The following NRXN1 variants were observed in gnomAD, a reference collection of about 807,000 sequenced individuals.
The protein encoded by NRXN1 is neurexin 1, also known as neurexin-1.
In NRXN1, 39 loss-of-function variants were observed where a neutral mutation model predicts 150.9. That is an observed-to-expected ratio of 0.26 (90% CI 0.20 to 0.34). NRXN1 has a LOEUF of 0.34. Among genes scored for constraint, NRXN1 ranks in the 10% least tolerant of loss-of-function variants. The pLI is 1.00. For missense variants in NRXN1, 1,815 were observed against 1,949.9 expected, an observed-to-expected ratio of 0.93 and a Z score of 1.30; for synonymous variants, 924 against 757.0, an observed-to-expected ratio of 1.22 and a Z score of -3.62.
intron 9 of NRXN1, among the ~76,000 whole-genome samples, chr2:50,539,227 T>C (rs2093336870): frequency 6.6e-6 from 1 of 152,222 alleles, no homozygotes; most frequent in Non-Finnish European, 1.5e-5. Context: ...ATAGAGTTGC[T>C]CTTAGTGTTA....
intron 17 of NRXN1, among the ~76,000 whole-genome samples, chr2:50,385,502 G>A (rs763281449): frequency 2.0e-5 from 3 of 152,110 alleles, no homozygotes; most frequent in African/African-American, 7.2e-5. Flanking sequence ...CATGCTACCC[G>A]GGAATGTTGG....
At chr2:50,823,695 G>C (rs1393521778) in intron 5 of NRXN1, among the ~76,000 whole-genome samples, 5 of 152,022 alleles carry the variant, frequency 3.3e-5, no homozygotes, top group African/African-American at 7.2e-5. Context: ...ATGATTTATG[G>C]GTCCTAAAGA....
intron 9 of NRXN1, among the ~76,000 whole-genome samples, chr2:50,545,574 A>G (rs1177442069): frequency 6.6e-6 from 1 of 152,204 alleles, no homozygotes; most frequent in African/African-American, 2.4e-5. Context: ...TACTAACTCC[A>G]TAACAGCAAT....
At chr2:50,713,854 T>C (rs538501984) in intron 5 of NRXN1, among the ~76,000 whole-genome samples, 8 of 152,190 alleles carry the variant, frequency 5.3e-5, no homozygotes, top group Admixed American at 2.6e-4. Flanking sequence ...CCTGGTCTTC[T>C]TTGAAAGATT....
chr2:49,922,881 A>G (rs1668467271), intron 22 of NRXN1, among the ~76,000 whole-genome samples: 1 of 152,124 alleles, frequency 6.6e-6, no homozygotes, highest in Non-Finnish European at 1.5e-5. Flanking sequence ...TGTGTATTTT[A>G]TTAATTGATT....
At chr2:50,895,555 G>GT (rs919350820) in intron 5 of NRXN1, among the ~76,000 whole-genome samples, 44 of 147,102 alleles carry the variant, frequency 3.0e-4, no homozygotes, top group Admixed American at 8.1e-4. Flanking sequence ...GAGCTATTTT[G>GT]TTTTTTTTGG....
chr2:50,962,212 T>C (rs1241591657), intron 2 of NRXN1, among the ~76,000 whole-genome samples: 3 of 151,700 alleles, frequency 2.0e-5, no homozygotes, highest in African/African-American at 7.2e-5. Context: ...TGTTCCACAA[T>C]TGAGATGTTC....
intron 5 of NRXN1, among the ~76,000 whole-genome samples, chr2:50,764,081 T>C (rs1383204852): frequency 6.6e-6 from 1 of 151,130 alleles, no homozygotes; most frequent in Non-Finnish European, 1.5e-5. Flanking sequence ...AGTCCATAGC[T>C]CTCTGTTCTC....
intron 21 of NRXN1, among the ~76,000 whole-genome samples, chr2:49,949,547 T>C (rs924068865): frequency 1.3e-5 from 2 of 151,936 alleles, no homozygotes; most frequent in African/African-American, 4.8e-5. Flanking sequence ...AAGACAAATC[T>C]GTTTTGTAAG....
At chr2:50,062,387 A>C (rs1694680822) in intron 19 of NRXN1, among the ~76,000 whole-genome samples, 1 of 152,142 alleles carries the variant, frequency 6.6e-6, no homozygotes, top group African/African-American at 2.4e-5. Flanking sequence ...GAATGAAGCA[A>C]GCCCTCACTA....
Position 50,620,002 on chromosome 2 carries a change from C to G in NRXN1, c.1320+20G>C, listed in dbSNP as rs748866781. ...ATGAGACCATGAATTAGGAATGATTCTGATGGCAACGATATTTACCTCTTT... is the reference window on the plus strand; with the variant it reads ...ATGAGACCATGAATTAGGAATGATTGTGATGGCAACGATATTTACCTCTTT... On this transcript the variant is annotated intron_variant, in intron 8 of 22. Transcript: ENST00000401669. 2.6e-6 allele frequency: 4 copies of G among 1,547,440 alleles called. No individual in the cohort carries two copies. The highest frequency in any genetic ancestry group is 3.5e-6 in the Non-Finnish European group (4 of 1,144,146).
At chr2:50,056,280 T>A (rs916434909) in intron 19 of NRXN1, among the ~76,000 whole-genome samples, 5 of 152,154 alleles carry the variant, frequency 3.3e-5, no homozygotes, top group African/African-American at 1.2e-4. Flanking sequence ...CTTTTGCTAC[T>A]CTTATAATAC....
chr2:50,275,987 C>CA (rs34672241), intron 17 of NRXN1, among the ~76,000 whole-genome samples: 96,655 of 127,834 alleles, frequency 0.76, 35,473 homozygotes, highest in South Asian at 0.82. Context: ...TCCTACCTTG[C>CA]AAAAAAAAAA....
intron 5 of NRXN1, among the ~76,000 whole-genome samples, chr2:50,669,335 C>G (rs1688513362): frequency 6.6e-6 from 1 of 151,814 alleles, no homozygotes; most frequent in Admixed American, 6.6e-5. Flanking sequence ...TTTGAAAAGT[C>G]CCAGAGAGGT....
intron 11 of NRXN1, 188 bp from the exon 12 acceptor site, chr2:50,528,839 C>A (rs1009600459): frequency 4.2e-6 from 2 of 480,908 alleles, no homozygotes; most frequent in South Asian, 3.7e-5. Flanking sequence ...TTGGAAACAA[C>A]AATAGAAGGT....
At position 50,053,401 on chromosome 2, in the gene NRXN1, G is replaced by A; in HGVS notation, c.3998C>T (p.Ser1333Phe). ...AGTGGCTGTTGACTCAGTTGTCATA[G>A]AGGAAGGCACTTCACCAACCAGTCT... ...NVRLVGEVPS[S>F]MTTESTATAM... The change falls in exon 21 of 23, where the codon TCT becomes TTT. Residue 1333 changes from serine (S) to phenylalanine (F), a missense_variant. This residue lies in a region of NRXN1 where 265 missense variants were observed against 307.1 expected (regional missense o/e 0.86). Coordinates refer to ENST00000401669, the MANE Select transcript of NRXN1 (RefSeq NM_001330078.2). 1 of 1,613,968 alleles carries A rather than the reference G, an allele frequency of 6.2e-7. No individual in the cohort carries two copies. Among genetic ancestry groups the A allele is most frequent in the Non-Finnish European group, 8.5e-7 (1 of 1,179,924 alleles).
At chr2:50,706,047 G>A (rs1358913703) in intron 5 of NRXN1, among the ~76,000 whole-genome samples, 2 of 152,132 alleles carry the variant, frequency 1.3e-5, no homozygotes, top group African/African-American at 4.8e-5. Context: ...ACTCTGCCAT[G>A]GATCCCCGTC....
intron 5 of NRXN1, among the ~76,000 whole-genome samples, chr2:50,684,855 G>A (rs998802016): frequency 6.6e-6 from 1 of 152,054 alleles, no homozygotes; most frequent in Non-Finnish European, 1.5e-5. Flanking sequence ...TCATAAAATT[G>A]TAAGTTTCTT....
intron 22 of NRXN1, among the ~76,000 whole-genome samples, chr2:49,936,015 A>G (rs2241750): frequency 0.21 from 32,177 of 152,108 alleles, 3,630 homozygotes; most frequent in East Asian, 0.3. Flanking sequence ...CTTCCAATAA[A>G]AAATTGTGAT....
Sources: allele counts gnomAD v4.1 joint callset (sites outside exome capture counted in the v4.1 genomes callset), GRCh38; gene constraint gnomAD v4.1.1; regional missense constraint gnomAD v4.1.1; transcripts MANE v1.5; gene names NCBI Gene and HGNC (gene_info 2026-07-23, HGNC 2026-07-21).